RNF126: variants seen among roughly 807,000 people sequenced by gnomAD.
The protein encoded by RNF126 is E3 ubiquitin-protein ligase RNF126.
RNF126 carries 20 observed loss-of-function variants against 41.9 expected under a neutral mutation model. The observed-to-expected ratio is 0.48, with a 90% CI of 0.34 to 0.69. The LOEUF (loss-of-function observed/expected upper bound fraction) is 0.69. RNF126 is among the 30% of genes least tolerant of loss of function. The probability of loss-of-function intolerance (pLI) is 0.01; values close to 1 mark genes in which losing one functional copy is unlikely to be tolerated. For synonymous variants in RNF126, 239 were observed against 202.9 expected, an observed-to-expected ratio of 1.18 and a Z score of -1.51; for missense variants, 433 against 460.6, an observed-to-expected ratio of 0.94 and a Z score of 0.55.
intron 4 of RNF126, 151 bp downstream of exon 4, chr19:651,460 T>A: frequency 1.4e-6 from 1 of 690,970 alleles, no homozygotes; most frequent in Non-Finnish European, 2.1e-6. Flanking sequence ...GTGTGGGGAG[T>A]CACAGGGGGC....
intron 3 of RNF126, 149 bp downstream of exon 3, chr19:652,084 C>A (rs1600632819): frequency 4.0e-6 from 3 of 751,768 alleles, no homozygotes; most frequent in Non-Finnish European, 4.1e-6. Context: ...GCGTGGGCCG[C>A]CCCAATCCCT....
chr19:654,967 C>CA (rs1400950195), intron 1 of RNF126, among the ~76,000 whole-genome samples: 3 of 147,378 alleles, frequency 2.0e-5, no homozygotes, highest in South Asian at 2.2e-4. Flanking sequence ...GACTCCGTAT[C>CA]GGGAAAAAAA....
At position 651,763 on chromosome 19, in the gene RNF126, A is replaced by G; in HGVS notation, c.291T>C (p.Pro97=). The G allele has an allele frequency of 3.1e-6, 5 of 1,612,566 alleles. No individual in the cohort carries two copies. Among genetic ancestry groups the G allele is most frequent in the Non-Finnish European group, 4.2e-6 (5 of 1,179,802 alleles). ...FDDSFEIPTF[P]PGAQADDGRD... is the part of the protein sequence containing the mutation. Reference sequence around the variant, plus strand: ...TGCCGTCGTCAGCCTGCGCCCCAGGAGGGAACGTGGGGATCTCGAAGCTGT... The same window carrying G: ...TGCCGTCGTCAGCCTGCGCCCCAGGGGGGAACGTGGGGATCTCGAAGCTGT... The change falls in exon 4 of 9, where the codon CCT becomes CCC. Residue 97 remains proline (P), a synonymous_variant. Transcript: ENST00000292363.
At chr19:650,056 C>T (rs1188887951) in intron 5 of RNF126, among the ~76,000 whole-genome samples, 178 bp downstream of exon 5, 1 of 145,704 alleles carries the variant, frequency 6.9e-6, no homozygotes, top group African/African-American at 2.6e-5. Flanking sequence ...TCACCAGGGG[C>T]CCAGGCTGGG....
chr19:660,488 CT>C (rs944538066), intron 1 of RNF126, among the ~76,000 whole-genome samples: 1 of 132,368 alleles, frequency 7.6e-6, no homozygotes, highest in Non-Finnish European at 1.5e-5. Flanking sequence ...AGTGCCGCCC[CT>C]GACTCAGCCG....
At chr19:654,642 CAAAAAAAAAAAAAAAAAAAAAAA>C (rs56141012) in intron 1 of RNF126, among the ~76,000 whole-genome samples, 1 of 24,610 alleles carries the variant, frequency 4.1e-5, no homozygotes, top group African/African-American at 1.5e-4. Context: ...GACTCCGTCT[CAAAAAAAAAAAAAAAAAAAAAAA>C]AAAAAAAAAA....
chr19:652,895 G>C lies in RNF126; in HGVS notation c.76-11C>G, dbSNP rs1263992958. 6.2e-7 allele frequency: 1 copy of C among 1,611,724 alleles called. No individual in the cohort carries two copies. Among genetic ancestry groups the C allele is most frequent in the African/African-American group, 1.3e-5 (1 of 74,890 alleles). ...TGGACAGATATAATCCTGCAGGAGA[G>C]AACAGGAGGCCGGGTCACGGTGACG... On this transcript the variant is annotated splice_polypyrimidine_tract_variant and intron_variant, in intron 1 of 8. Coordinates refer to ENST00000292363, the MANE Select transcript of RNF126 (RefSeq NM_194460.3).
At chr19:653,562 G>A (rs989838787) in intron 1 of RNF126, among the ~76,000 whole-genome samples, 1 of 152,230 alleles carries the variant, frequency 6.6e-6, no homozygotes, top group Admixed American at 6.5e-5. Flanking sequence ...GGATCCCCAG[G>A]GCTGAAGGGC....
intron 1 of RNF126, among the ~76,000 whole-genome samples, chr19:660,369 C>G (rs2030746279): frequency 3.3e-5 from 5 of 152,260 alleles, no homozygotes; most frequent in Admixed American, 3.3e-4. Context: ...GCCCAGCTGC[C>G]TGGGAGAAGC....
Position 648,982 on chromosome 19 carries a change from G to A in RNF126, c.577-7C>T, listed in dbSNP as rs142393586. On this transcript the variant is annotated splice_region_variant and splice_polypyrimidine_tract_variant and intron_variant, in intron 6 of 8. Transcript: ENST00000292363. ...TTTCAAACTGATTGAGGAGCTGAAA[G>A]ACAAGAGGCGAGAGTGCCGGGAGCT... 3.6e-6 allele frequency: 5 copies of A among 1,380,782 alleles called. No homozygotes were observed. In the South Asian group the frequency reaches 6.0e-5, roughly 17 times the overall value. The allele number at this position is 1,380,782 out of a possible 1,614,324, so 85.5% of individuals were successfully genotyped here.
intron 1 of RNF126, among the ~76,000 whole-genome samples, chr19:657,942 G>A (rs956764123): frequency 2.6e-5 from 4 of 152,014 alleles, no homozygotes; most frequent in Non-Finnish European, 2.9e-5. Context: ...GTATTAAATC[G>A]GGGCAGCTGC....
chr19:652,914 G>A lies in RNF126; in HGVS notation c.76-30C>T, dbSNP rs201215740. 2.6e-4 allele frequency: 411 copies of A among 1,600,348 alleles called. 1 individual carries two copies. Among genetic ancestry groups the A allele is most frequent in the African/African-American group, 1.3e-3 (96 of 74,844 alleles). On this transcript the variant is annotated intron_variant, in intron 1 of 8. Transcript: ENST00000292363. ...AGGAGAGAACAGGAGGCCGGGTCAC[G>A]GTGACGCCGGCATCACCTGCAAACC...
rs151233237 is a variant in RNF126, at chr19:655,464, C to T, written c.76-2580G>A. 4.3e-4 allele frequency among the ~76,000 whole-genome samples: 65 copies of T among 151,614 alleles called. No individual in the cohort carries two copies. The East Asian group carries it at 0.011, about 27-fold the overall frequency. ...TCGCGCCACTGCACTCTAGCCCGGG[C>T]GACAGAGTGACACTCCATCTCAAAA... On this transcript the variant is annotated intron_variant, in intron 1 of 8. Transcript: ENST00000292363.
chr19:647,885 G>C lies in RNF126; in HGVS notation c.*243C>G, dbSNP rs1255414379. 1.5e-6 allele frequency: 1 copy of C among 658,000 alleles called. No homozygotes were observed. The highest frequency in any genetic ancestry group is 2.8e-5 in the East Asian group (1 of 35,534). 40.8% of individuals were successfully genotyped at this position (658,000 alleles called of 1,614,324 possible). The stretch of plus-strand genomic sequence containing the variant: ...AAATCTTTCCACCGCTGAACGTTTA[G>C]AGGGTGAGGTTAGACAGAGGACGGG... On this transcript the variant is annotated 3_prime_UTR_variant, in exon 9 of 9. Coordinates refer to ENST00000292363, the MANE Select transcript of RNF126 (RefSeq NM_194460.3).
Position 659,514 on chromosome 19 carries a change from G to C in RNF126, c.75+3533C>G, listed in dbSNP as rs1313663260. Among the ~76,000 whole-genome samples, 2 of 152,148 alleles carry C rather than the reference G, an allele frequency of 1.3e-5. No individual in the cohort carries two copies. Among genetic ancestry groups the C allele is most frequent in the African/African-American group, 2.4e-5 (1 of 41,426 alleles). Reference sequence around the variant, plus strand: ...GAACCACCCAGAGACGGGGAGGTCAGGGGCAAGGACGGCACGCAGGGCCAC... The same window carrying C: ...GAACCACCCAGAGACGGGGAGGTCACGGGCAAGGACGGCACGCAGGGCCAC... On this transcript the variant is annotated intron_variant, in intron 1 of 8. Transcript: ENST00000292363. The surrounding 1 kb of genome is among the most constrained non-coding windows in gnomAD (Gnocchi z 4.9).
intron 1 of RNF126, among the ~76,000 whole-genome samples, chr19:654,373 T>C (rs1213349889): frequency 6.6e-6 from 1 of 152,176 alleles, no homozygotes; most frequent in Non-Finnish European, 1.5e-5. Flanking sequence ...GGGGGCGCGG[T>C]GGCTCAGGCC....
At chr19:651,112 C>T (rs754174513) in intron 4 of RNF126, among the ~76,000 whole-genome samples, 11 of 147,310 alleles carry the variant, frequency 7.5e-5, no homozygotes, top group Admixed American at 1.4e-4. Flanking sequence ...TAGGGCCCTG[C>T]GACGGCTCCC....
intron 1 of RNF126, among the ~76,000 whole-genome samples, chr19:654,752 A>AGGCC (rs2030489065): frequency 6.7e-6 from 1 of 150,076 alleles, no homozygotes; most frequent in African/African-American, 2.5e-5. Flanking sequence ...GAATCACCTG[A>AGGCC]GGCCAGGAGT....
Position 663,135 on chromosome 19 carries a change from T to A in RNF126, c.-14A>T. ...CGCCTCGGCCATGGCCGCCGCCACC[T>A]ACTCCGCGCCGCCCGCCCCCCGCGC... is the stretch of plus-strand genomic sequence containing the variant. On this transcript the variant is annotated 5_prime_UTR_variant, in exon 1 of 9. Coordinates refer to ENST00000292363, the MANE Select transcript of RNF126 (RefSeq NM_194460.3). 8.3e-7 allele frequency: 1 copy of A among 1,203,884 alleles called. No individual in the cohort carries two copies. The allele number at this position is 1,203,884 out of a possible 1,614,324, so 74.6% of individuals were successfully genotyped here.
Sources: gnomAD v4.1 joint callset for allele counts (sites outside exome capture counted in the v4.1 genomes callset) on GRCh38, gnomAD v4.1.1 for gene constraint, Gnocchi (gnomAD v3.1) non-coding constraint, MANE v1.5 for transcripts, NCBI Gene and HGNC (gene_info 2026-07-23, HGNC 2026-07-21) for gene names.